The following HPR variants were observed in gnomAD, a reference collection of about 807,000 sequenced individuals.
HPR encodes the protein Haptoglobin-related locus.
In HPR, 17 loss-of-function variants were observed where a neutral mutation model predicts 18.5. The ratio of observed to expected loss-of-function variants is 0.92; its 90% CI spans 0.63 to 1.38. HPR has a LOEUF of 1.38. HPR is among the 40% of genes most tolerant of loss of function. The probability of loss-of-function intolerance (pLI) is 0.00; values close to 1 mark genes in which losing one functional copy is unlikely to be tolerated. For synonymous variants in HPR, 176 were observed against 165.0 expected, an observed-to-expected ratio of 1.07 and a Z score of -0.51; for missense variants, 457 against 432.4, an observed-to-expected ratio of 1.06 and a Z score of -0.51.
chr16:72,073,737 T>C lies in HPR; in HGVS notation c.6-155T>C, dbSNP rs774037166. The C allele has an allele frequency of 1.9e-5, 29 of 1,554,880 alleles. No homozygotes were observed. In the East Asian group the frequency reaches 7.0e-4, roughly 37 times the overall value. On this transcript the variant is annotated intron_variant, in intron 1 of 4. Coordinates refer to ENST00000540303, the MANE Select transcript of HPR (RefSeq NM_020995.4). Reference sequence around the variant, plus strand: ...TGGTCCTAGCACTTCCATATATTGATTTTCTTTTCTGGCTGCTTAGTGGGA... The same window carrying C: ...TGGTCCTAGCACTTCCATATATTGACTTTCTTTTCTGGCTGCTTAGTGGGA...
At chr16:72,075,501 G>A (rs916063237) in intron 4 of HPR, among the ~76,000 whole-genome samples, 10 of 152,232 alleles carry the variant, frequency 6.6e-5, no homozygotes, top group Non-Finnish European at 1.3e-4. Context: ...GCCTGCTAGA[G>A]AGCCCTGGGT....
chr16:72,065,803 G>A (rs951671155), intron 1 of HPR, among the ~76,000 whole-genome samples: 36 of 152,128 alleles, frequency 2.4e-4, no homozygotes, highest in African/African-American at 8.0e-4. Context: ...ATCCGATCCA[G>A]CATCTCAAAT....
chr16:72,076,417 C>T lies in HPR; in HGVS notation c.383C>T (p.Thr128Ile), dbSNP rs779172897. 10 of 1,614,188 alleles carry T rather than the reference C, an allele frequency of 6.2e-6. No individual in the cohort carries two copies. In the Admixed American group the frequency reaches 1.0e-4, roughly 16 times the overall value. Residue 128 changes from threonine (T) to isoleucine (I), a missense_variant, in exon 5 of 5, where the codon ACC becomes ATC. Thr to Ile is a moderately conservative substitution (Grantham distance 89). Transcript: ENST00000540303. ...QAKMVSHHNL[T>I]TGATLINEQW... ...AAGATGGTTTCCCACCATAATCTCA[C>T]CACAGGGGCCACGCTGATCAATGAA...
chr16:72,068,586 C>T lies in HPR; in HGVS notation c.6-5306C>T, dbSNP rs546703585. Among the ~76,000 whole-genome samples the T allele has an allele frequency of 2.2e-4, 34 of 152,264 alleles. 1 individual carries two copies. The highest frequency in any genetic ancestry group is 3.4e-4 in the Non-Finnish European group (23 of 68,032). ...CCCTAGAAAATACACTTCACCTTTT[C>T]GTCAGCGTGAAAAATGGGGTGGCTT... On this transcript the variant is annotated intron_variant, in intron 1 of 4. Coordinates refer to ENST00000540303, the MANE Select transcript of HPR (RefSeq NM_020995.4).
chr16:72,073,211 C>A (rs2041675879), intron 1 of HPR, among the ~76,000 whole-genome samples: 1 of 152,164 alleles, frequency 6.6e-6, no homozygotes. Flanking sequence ...GGACAAGCTG[C>A]GTTAGACATA....
chr16:72,065,654 C>T (rs189767807), intron 1 of HPR, among the ~76,000 whole-genome samples: 84 of 152,198 alleles, frequency 5.5e-4, no homozygotes, highest in Non-Finnish European at 9.7e-4. Context: ...AAGTATGGGT[C>T]GAATGAGGGT....
At chr16:72,067,901 A>G (rs1308888079) in intron 1 of HPR, among the ~76,000 whole-genome samples, 1 of 152,138 alleles carries the variant, frequency 6.6e-6, no homozygotes, top group Non-Finnish European at 1.5e-5. Context: ...ATTCCATATA[A>G]TCATCAATGG....
Position 72,076,313 on chromosome 16 carries a change from G to A in HPR, c.279G>A (p.Lys93=), listed in dbSNP as rs780393531. 4.7e-5 allele frequency: 76 copies of A among 1,613,274 alleles called. No individual in the cohort carries two copies. The highest frequency in any genetic ancestry group is 4.0e-4 in the Admixed American group (24 of 59,922). Reference sequence around the variant, plus strand: ...TGCTCTCCTTGACAGTATGTGGGAAGCCCAAGAATCCGGCAAACCCAGTGC... The same window carrying A: ...TGCTCTCCTTGACAGTATGTGGGAAACCCAAGAATCCGGCAAACCCAGTGC... ...KLPECEAVCG[K]PKNPANPVQR... The change falls in exon 5 of 5, where the codon AAG becomes AAA. Residue 93 remains lysine (K), a synonymous_variant. Transcript: ENST00000540303.
In HPR at chr16:72,074,309, G is replaced by C. The variant is rs776131219; in HGVS notation, c.117G>C (p.Glu39Asp). The C allele has an allele frequency of 6.2e-7, 1 of 1,614,084 alleles. No homozygotes were observed. The change falls in exon 3 of 5, where the codon GAG becomes GAC. Residue 39 changes from glutamate (E) to aspartate (D), a missense_variant. Coordinates refer to ENST00000540303, the MANE Select transcript of HPR (RefSeq NM_020995.4). Reference sequence around the variant, plus strand: ...ATGACCGCTTCCCGAAGCCCCCTGAGATTGCAAATGGCTATGTGGAGCACT... The same window carrying C: ...ATGACCGCTTCCCGAAGCCCCCTGACATTGCAAATGGCTATGTGGAGCACT... Reference protein sequence around the residue: ...ISDDRFPKPPEIANGYVEHLF... With the variant: ...ISDDRFPKPPDIANGYVEHLF...
At chr16:72,069,992 A>G (rs781623892) in intron 1 of HPR, among the ~76,000 whole-genome samples, 26 of 152,220 alleles carry the variant, frequency 1.7e-4, no homozygotes, top group Non-Finnish European at 3.1e-4. Flanking sequence ...ATTTCACTGC[A>G]TATGTCATTA....
Position 72,077,007 on chromosome 16 carries a change from G to A in HPR, c.973G>A (p.Val325Met), listed in dbSNP as rs370432256. 2.0e-4 allele frequency: 316 copies of A among 1,614,032 alleles called. No homozygotes were observed. The highest frequency in any genetic ancestry group is 2.5e-4 in the Non-Finnish European group (293 of 1,180,048). The stretch of plus-strand genomic sequence containing the variant: ...CCTAAGCTTTGATAAGAGCTGTGCT[G>A]TGGCTGAGTATGGTGTGTATGTGAA... ...GILSFDKSCA[V>M]AEYGVYVKVT... The change falls in exon 5 of 5, where the codon GTG becomes ATG. Residue 325 changes from valine to methionine, a missense_variant. By Grantham distance (21) the Val-to-Met change is conservative. Transcript: ENST00000540303.
At position 72,076,343 on chromosome 16, in the gene HPR, G is replaced by A. The variant is rs1231090148; in HGVS notation, c.309G>A (p.Arg103=). 1 of 1,613,980 alleles carries A rather than the reference G, an allele frequency of 6.2e-7. No homozygotes were observed. The change falls in exon 5 of 5, where the codon CGG becomes CGA. Residue 103 remains arginine (R), a synonymous_variant. Coordinates refer to ENST00000540303, the MANE Select transcript of HPR (RefSeq NM_020995.4). ...KPKNPANPVQ[R]ILGGHLDAKG... ...AGAATCCGGCAAACCCAGTGCAGCG[G>A]ATCCTGGGTGGACACCTGGATGCCA...
chr16:72,069,336 C>A (rs1429688596), intron 1 of HPR, among the ~76,000 whole-genome samples: 2 of 152,156 alleles, frequency 1.3e-5, no homozygotes, highest in Non-Finnish European at 2.9e-5. Context: ...TGTACCCGGG[C>A]ACCAGAAAAG....
chr16:72,075,642 C>G (rs1287337050), intron 4 of HPR, among the ~76,000 whole-genome samples: 2 of 152,222 alleles, frequency 1.3e-5, no homozygotes, highest in African/African-American at 2.4e-5. Flanking sequence ...CTGTTGCTCT[C>G]TCCTTTCCGT....
In HPR at chr16:72,076,519, C is replaced by T. The variant is rs2041726907; in HGVS notation, c.485C>T (p.Thr162Ile). The change falls in exon 5 of 5, where the codon ACT becomes ATT. Residue 162 changes from threonine (T) to isoleucine (I), a missense_variant. Transcript: ENST00000540303. ...ENATAKDIAPTLTLYVGKKQL... is the reference protein window; with the variant it reads ...ENATAKDIAPILTLYVGKKQL... ...GCAACAGCGAAAGACATTGCCCCTA[C>T]TTTAACACTCTATGTGGGGAAAAAG... The T allele has an allele frequency of 6.2e-7, 1 of 1,614,156 alleles. No homozygotes were observed.
chr16:72,068,534 T>C (rs370407396), intron 1 of HPR, among the ~76,000 whole-genome samples: 5 of 152,184 alleles, frequency 3.3e-5, no homozygotes, highest in African/African-American at 4.8e-5. Flanking sequence ...GAATAGCTTA[T>C]AACTGCTCTT....
chr16:72,066,306 A>G (rs2041596967), intron 1 of HPR, among the ~76,000 whole-genome samples: 1 of 152,166 alleles, frequency 6.6e-6, no homozygotes, highest in Admixed American at 6.5e-5. Context: ...TCAGTTATAC[A>G]CTTGGGTCGA....
chr16:72,074,200 A>G (rs988556926), intron 2 of HPR, 84 bp from the exon 3 acceptor site: 7 of 1,317,632 alleles, frequency 5.3e-6, no homozygotes, highest in Non-Finnish European at 7.7e-6. Flanking sequence ...TGATGTGCAG[A>G]GCAGCTTCCA....
intron 1 of HPR, among the ~76,000 whole-genome samples, chr16:72,071,201 C>G (rs1367964859): frequency 6.6e-6 from 1 of 152,146 alleles, no homozygotes; most frequent in Non-Finnish European, 1.5e-5. Context: ...CCTCCCATCT[C>G]CAAAACAACC....
Sources: allele counts gnomAD v4.1 joint callset (sites outside exome capture counted in the v4.1 genomes callset), GRCh38; gene constraint gnomAD v4.1.1; transcripts MANE v1.5; gene names NCBI Gene and HGNC (gene_info 2026-07-23, HGNC 2026-07-21).